NR3C1: variants seen among roughly 807,000 people sequenced by gnomAD.
NR3C1 encodes glucocorticoid receptor.
NR3C1 carries 14 observed loss-of-function variants against 74.0 expected under a neutral mutation model. The ratio of observed to expected loss-of-function variants is 0.19; its 90% CI spans 0.12 to 0.30. The LOEUF (loss-of-function observed/expected upper bound fraction) is 0.30. NR3C1 is among the 10% of genes least tolerant of loss of function. The pLI is 1.00. For synonymous variants in NR3C1, 308 were observed against 332.5 expected (o/e 0.93, Z 0.80); for missense variants, 695 against 909.8 (o/e 0.76, Z 3.04).
intron 1 of NR3C1, among the ~76,000 whole-genome samples, chr5:143,422,792 C>T (rs1002938149): frequency 2.6e-5 from 4 of 152,128 alleles, no homozygotes; most frequent in Non-Finnish European, 5.9e-5. Flanking sequence ...GTTATAGCAT[C>T]CTGAACAAAC....
In NR3C1 at chr5:143,336,782, C is replaced by G. The variant is rs567193627; in HGVS notation, c.1185-22614G>C. Among the ~76,000 whole-genome samples, 47 of 150,028 alleles carry G rather than the reference C, an allele frequency of 3.1e-4. 2 individuals carry two copies. The highest frequency in any genetic ancestry group is 4.6e-4 in the Non-Finnish European group (31 of 66,952). ...ACGTGAGGAGTTCAAGTGAGGAGTT[C>G]AAGTCCAGCCTGTCAACATGGCGAA... On this transcript the variant is annotated intron_variant, in intron 2 of 8. Coordinates refer to ENST00000394464, the MANE Select transcript of NR3C1 (RefSeq NM_000176.3).
intron 2 of NR3C1, among the ~76,000 whole-genome samples, chr5:143,321,688 C>G (rs564034259): frequency 6.6e-6 from 1 of 152,282 alleles, no homozygotes; most frequent in African/African-American, 2.4e-5. Flanking sequence ...CATGTAGTTT[C>G]TTTATCACTA....
At position 143,284,188 on chromosome 5, in the gene NR3C1, C is replaced by T. The variant is rs146456492; in HGVS notation, c.2024-1463G>A. Among the ~76,000 whole-genome samples the T allele has an allele frequency of 1.3e-3, 199 of 152,170 alleles. 1 individual carries two copies. The highest frequency in any genetic ancestry group is 3.4e-3 in the Middle Eastern group (1 of 294). On this transcript the variant is annotated intron_variant, in intron 7 of 8. Transcript: ENST00000394464. The stretch of plus-strand genomic sequence containing the variant: ...TCCGCCTCCCAGGTTCAAGCAATTC[C>T]GCTCACCTTGGCCTCCCAAAGTGCT...
chr5:143,287,016 A>C (rs1814649007), intron 7 of NR3C1, among the ~76,000 whole-genome samples: 1 of 152,110 alleles, frequency 6.6e-6, no homozygotes, highest in Non-Finnish European at 1.5e-5. Flanking sequence ...AATGAAAAAA[A>C]TCATGAAGGA....
intron 4 of NR3C1, among the ~76,000 whole-genome samples, chr5:143,307,204 A>C (rs944280360): frequency 6.6e-6 from 1 of 152,186 alleles, no homozygotes; most frequent in African/African-American, 2.4e-5. Flanking sequence ...CCGTATGCTT[A>C]AATTTTATTC....
chr5:143,365,887 T>C (rs1352132474), intron 2 of NR3C1, among the ~76,000 whole-genome samples: 1 of 152,054 alleles, frequency 6.6e-6, no homozygotes, highest in African/African-American at 2.4e-5. Context: ...AATCAACAAG[T>C]TCCTAAATAA....
Position 143,417,043 on chromosome 5 carries a change from C to T in NR3C1, c.-13-16191G>A, listed in dbSNP as rs181069643. Among the ~76,000 whole-genome samples, 7 of 152,108 alleles carry T rather than the reference C, an allele frequency of 4.6e-5. No homozygotes were observed. In the East Asian group the frequency reaches 7.7e-4, roughly 17 times the overall value. On this transcript the variant is annotated intron_variant, in intron 1 of 8. Transcript: ENST00000343796. Reference sequence around the variant, plus strand: ...TGGTAATCCTCTAAGAAATGTCTTACGTAGTTTTTCTTTAGGGCCTAAATT... The same window carrying T: ...TGGTAATCCTCTAAGAAATGTCTTATGTAGTTTTTCTTTAGGGCCTAAATT...
intron 7 of NR3C1, among the ~76,000 whole-genome samples, chr5:143,292,355 G>GT (rs1169118683): frequency 2.0e-5 from 3 of 151,756 alleles, no homozygotes; most frequent in South Asian, 2.1e-4. Context: ...TTAAATCTCA[G>GT]TTTTTTTTAG....
At position 143,294,995 on chromosome 5, in the gene NR3C1, T is replaced by C. The variant is rs1479138034; in HGVS notation, c.2023+465A>G. On this transcript the variant is annotated intron_variant, in intron 7 of 8. Coordinates refer to ENST00000394464, the MANE Select transcript of NR3C1 (RefSeq NM_000176.3). ...TGAATCTCTGACAATCCAGCTCCCATGCTATGTTAACCAATCCCCAATAGT... is the reference window on the plus strand; with the variant it reads ...TGAATCTCTGACAATCCAGCTCCCACGCTATGTTAACCAATCCCCAATAGT... 5.1e-6 allele frequency: 5 copies of C among 985,324 alleles called. No homozygotes were observed. In the Admixed American group the frequency reaches 3.1e-4, roughly 61 times the overall value. The allele number at this position is 985,324 out of a possible 1,614,324, so 61.0% of individuals were successfully genotyped here.
At chr5:143,290,869 T>C (rs1054019925) in intron 7 of NR3C1, among the ~76,000 whole-genome samples, 6 of 152,144 alleles carry the variant, frequency 3.9e-5, no homozygotes, top group Non-Finnish European at 5.9e-5. Context: ...GCCCCATCTC[T>C]ATATTTAATG....
At chr5:143,339,949 C>A (rs1325146938) in intron 2 of NR3C1, among the ~76,000 whole-genome samples, 2 of 151,874 alleles carry the variant, frequency 1.3e-5, no homozygotes, top group African/African-American at 4.8e-5. Flanking sequence ...AAGGGGAAGA[C>A]AATGAAAATT....
intron 2 of NR3C1, among the ~76,000 whole-genome samples, chr5:143,387,559 C>A (rs191935695): frequency 6.6e-6 from 1 of 152,152 alleles, no homozygotes; most frequent in Admixed American, 6.5e-5. Context: ...CCTTCTAGAG[C>A]CCTGTCCTTG....
chr5:143,433,624 C>A (rs1751979159), intron 1 of NR3C1: 1 of 151,716 alleles, frequency 6.6e-6, no homozygotes, highest in Admixed American at 6.6e-5. Context: ...TTTTTCTCAT[C>A]CCCCATGTCC....
intron 5 of NR3C1, among the ~76,000 whole-genome samples, 192 bp from the exon 6 acceptor site, chr5:143,299,004 T>C (rs955711580): frequency 1.6e-5 from 2 of 128,312 alleles, no homozygotes; most frequent in African/African-American, 5.7e-5. Flanking sequence ...AACCCTCTTG[T>C]GTTTTTTTTT....
In NR3C1 at chr5:143,280,851, C is replaced by CACA. The variant is rs955130988; in HGVS notation, c.*1035_*1037dup. On this transcript the variant is annotated 3_prime_UTR_variant, in exon 9 of 9. Transcript: ENST00000394464. The stretch of plus-strand genomic sequence containing the variant: ...TGTGTTACAGCTGGTTATCTGGAAT[C>CACA]ACAACTTTTAAGAAGTTATACAAAC... The CACA allele has an allele frequency of 1.3e-5, 2 of 152,168 alleles. No individual in the cohort carries two copies. Among genetic ancestry groups the CACA allele is most frequent in the African/African-American group, 2.4e-5 (1 of 41,464 alleles). The allele number at this position is 152,168 out of a possible 1,614,324, so 9.4% of individuals were successfully genotyped here. A position where few individuals can be genotyped will look rare whatever the true frequency, so the allele number is the denominator to read the frequency against.
chr5:143,366,453 T>C (rs1312664819), intron 2 of NR3C1, among the ~76,000 whole-genome samples: 4 of 150,002 alleles, frequency 2.7e-5, no homozygotes, highest in African/African-American at 9.9e-5. Flanking sequence ...GAGGCTGCAA[T>C]GAGCCGAGAT....
chr5:143,376,299 G>A (rs1425386423), intron 2 of NR3C1, among the ~76,000 whole-genome samples: 1 of 152,234 alleles, frequency 6.6e-6, no homozygotes, highest in Non-Finnish European at 1.5e-5. Flanking sequence ...GATTGTTACA[G>A]CGGGAAAGAA....
intron 2 of NR3C1, among the ~76,000 whole-genome samples, chr5:143,331,620 T>C (rs1348670388): frequency 2.6e-5 from 4 of 152,228 alleles, no homozygotes; most frequent in Non-Finnish European, 5.9e-5. Flanking sequence ...AATGAAATCA[T>C]GTCCTTTGCG....
intron 2 of NR3C1, among the ~76,000 whole-genome samples, chr5:143,327,179 T>C (rs1350369661): frequency 6.6e-6 from 1 of 152,082 alleles, no homozygotes; most frequent in Non-Finnish European, 1.5e-5. Context: ...CTTATGATCA[T>C]GGTGGAAGGG....
Sources: allele counts gnomAD v4.1 joint callset (sites outside exome capture counted in the v4.1 genomes callset), GRCh38; gene constraint gnomAD v4.1.1; transcripts MANE v1.5; gene names NCBI Gene and HGNC (gene_info 2026-07-23, HGNC 2026-07-21).